The following PTBP2 variants were observed in gnomAD, a reference collection of about 807,000 sequenced individuals.
The protein encoded by PTBP2 is polypyrimidine tract-binding protein 2.
Under a neutral mutation model 61.4 loss-of-function variants are expected in PTBP2, and 13 were observed. That is an observed-to-expected ratio of 0.21 (90% CI 0.14 to 0.34). PTBP2 has a LOEUF of 0.34. PTBP2 is among the 10% of genes least tolerant of loss of function. The pLI, the probability that PTBP2 is intolerant of heterozygous loss-of-function variation, is 1.00. For missense variants in PTBP2, 405 were observed against 642.6 expected (o/e 0.63, Z 4.00); for synonymous variants, 215 against 218.5 (o/e 0.98, Z 0.14).
exon 14 of PTBP2, chr1:96,821,337 T>C (rs1293846259): frequency 3.9e-5 from 6 of 152,112 alleles, no homozygotes. Context: ...CATTTTTGTT[T>C]TGTAAAGTAG....
Position 96,777,730 on chromosome 1 carries a change from C to T in PTBP2, c.578C>T (p.Thr193Ile). ...IIIDNMYYPVTLDVLHQIFSK... is the reference protein window; with the variant it reads ...IIIDNMYYPVILDVLHQIFSK... Reference sequence around the variant, plus strand: ...ATTGACAACATGTACTACCCTGTAACACTTGATGTTCTTCACCAAGTAAGT... The same window carrying T: ...ATTGACAACATGTACTACCCTGTAATACTTGATGTTCTTCACCAAGTAAGT... The change falls in exon 6 of 14, where the codon ACA becomes ATA. Residue 193 changes from threonine (T) to isoleucine (I), a missense_variant. By Grantham distance (89) the Thr-to-Ile change is moderately conservative. Around this residue, in one of 4 missense-constraint regions of PTBP2, gnomAD observed 342 missense variants for 491.2 expected, o/e 0.70. Transcript: ENST00000674951. The T allele has an allele frequency of 6.2e-7, 1 of 1,601,244 alleles. No homozygotes were observed. The highest frequency in any genetic ancestry group is 2.2e-5 in the East Asian group (1 of 44,494).
chr1:96,793,608 T>A (rs1286385367), intron 8 of PTBP2, among the ~76,000 whole-genome samples: 1 of 152,154 alleles, frequency 6.6e-6, no homozygotes, highest in Non-Finnish European at 1.5e-5. Context: ...CCTGACCTCG[T>A]GATCCGCCCA....
intron 3 of PTBP2, among the ~76,000 whole-genome samples, chr1:96,761,346 A>ATGGGTGTGTGTGTG (rs1655831135): frequency 7.1e-6 from 1 of 140,480 alleles, no homozygotes; most frequent in African/African-American, 2.6e-5. Flanking sequence ...GTGGGATTTG[A>ATGGGTGTGTGTGTG]TGTGTGTGTG....
intron 9 of PTBP2, 124 bp downstream of exon 9, chr1:96,805,063 G>C (rs2101196540): frequency 1.4e-6 from 1 of 726,362 alleles, no homozygotes; most frequent in South Asian, 2.8e-5. Context: ...AGTATTTTCT[G>C]TATGTTTCTA....
At chr1:96,787,376 A>G (rs1005975735) in intron 8 of PTBP2, among the ~76,000 whole-genome samples, 40 of 152,158 alleles carry the variant, frequency 2.6e-4, no homozygotes, top group African/African-American at 7.2e-5. Flanking sequence ...CGTGTAAATT[A>G]AGTTGCTCGC....
chr1:96,767,445 T>G (rs1454187963), intron 3 of PTBP2, among the ~76,000 whole-genome samples: 1 of 152,026 alleles, frequency 6.6e-6, no homozygotes, highest in Non-Finnish European at 1.5e-5. Context: ...GAAATTTGCT[T>G]TTTTGAGTAT....
chr1:96,724,860 GATA>G (rs1246720438), intron 2 of PTBP2, among the ~76,000 whole-genome samples: 3 of 151,724 alleles, frequency 2.0e-5, no homozygotes, highest in African/African-American at 4.8e-5. Flanking sequence ...GTATAATAAT[GATA>G]ATAATAATTG....
At chr1:96,785,579 G>C (rs1659126421) in intron 8 of PTBP2, among the ~76,000 whole-genome samples, 1 of 152,120 alleles carries the variant, frequency 6.6e-6, no homozygotes, top group African/African-American at 2.4e-5. Flanking sequence ...CTTTAAACTT[G>C]ATGTCACTAT....
intron 2 of PTBP2, among the ~76,000 whole-genome samples, chr1:96,729,084 G>A (rs1651008352): frequency 6.6e-6 from 1 of 151,890 alleles, no homozygotes; most frequent in Non-Finnish European, 1.5e-5. Context: ...GTGCAGTGAC[G>A]TGATCTTGGC....
At chr1:96,741,578 T>C (rs967029781) in intron 2 of PTBP2, among the ~76,000 whole-genome samples, 1 of 151,672 alleles carries the variant, frequency 6.6e-6, no homozygotes, top group Non-Finnish European at 1.5e-5. Flanking sequence ...GTTAGTTACA[T>C]GTCCTACAGA....
At chr1:96,760,898 C>A (rs1213601155) in intron 3 of PTBP2, among the ~76,000 whole-genome samples, 1 of 152,048 alleles carries the variant, frequency 6.6e-6, no homozygotes, top group Non-Finnish European at 1.5e-5. Flanking sequence ...TGAAATAACC[C>A]AAATGTTTAT....
rs901488362 is a variant in PTBP2 at position 96,749,524 on chromosome 1, C to T, written c.40-1901C>T. On this transcript the variant is annotated intron_variant, in intron 2 of 13. Coordinates refer to ENST00000674951, the MANE Select transcript of PTBP2 (RefSeq NM_021190.4). ...ACTTAAGTTTTGTTTTTGTTTCTTA[C>T]TTTTAGAATATCTGATCTGGACTTC... 10 of 354,348 alleles carry T rather than the reference C, an allele frequency of 2.8e-5. No individual in the cohort carries two copies. The Admixed American group carries it at 3.2e-4, about 11-fold the overall frequency. 22.0% of individuals were successfully genotyped at this position (354,348 alleles called of 1,614,324 possible).
intron 1 of PTBP2, among the ~76,000 whole-genome samples, chr1:96,723,193 G>C (rs1409754380): frequency 6.6e-6 from 1 of 152,098 alleles, no homozygotes; most frequent in East Asian, 1.9e-4. Flanking sequence ...GTCAAAACTT[G>C]CACTAGAATT....
intron 1 of PTBP2, among the ~76,000 whole-genome samples, chr1:96,722,569 C>T (rs931866048): frequency 1.3e-5 from 2 of 152,110 alleles, no homozygotes; most frequent in Admixed American, 6.5e-5. Context: ...TGAAAACATT[C>T]AAGGCTTGGC....
intron 8 of PTBP2, among the ~76,000 whole-genome samples, chr1:96,799,247 T>C (rs1266065387): frequency 1.3e-5 from 2 of 151,592 alleles, no homozygotes; most frequent in African/African-American, 4.8e-5. Flanking sequence ...TTTATGAAGC[T>C]CTTTTACATT....
chr1:96,782,382 A>T (rs1264895500), intron 7 of PTBP2, among the ~76,000 whole-genome samples: 2 of 152,174 alleles, frequency 1.3e-5, no homozygotes, highest in South Asian at 2.1e-4. Flanking sequence ...CACAGAGTAC[A>T]CATTGCTTTA....
chr1:96,818,196 G>C (rs1359327764), downstream of PTBP2: 12 of 151,872 alleles, frequency 7.9e-5, no homozygotes, highest in Admixed American at 1.3e-4. Flanking sequence ...AGACTATGTG[G>C]CATCTCTATT....
intron 3 of PTBP2, among the ~76,000 whole-genome samples, chr1:96,758,901 A>T (rs1655467008): frequency 1.3e-5 from 2 of 152,174 alleles, no homozygotes; most frequent in South Asian, 4.1e-4. Flanking sequence ...AAAGTAGAAG[A>T]CCTGAAGGAC....
At chr1:96,809,677 A>G (rs1310123330) in intron 11 of PTBP2, among the ~76,000 whole-genome samples, 1 of 152,076 alleles carries the variant, frequency 6.6e-6, no homozygotes, top group Admixed American at 6.6e-5. Context: ...CTGCCCGGCT[A>G]ATTTATTATT....
Sources: allele counts gnomAD v4.1 joint callset (sites outside exome capture counted in the v4.1 genomes callset), GRCh38; gene constraint gnomAD v4.1.1; regional missense constraint gnomAD v4.1.1; transcripts MANE v1.5; gene names NCBI Gene and HGNC (gene_info 2026-07-23, HGNC 2026-07-21).